The following MINDY2 variants were observed in gnomAD, a reference collection of about 807,000 sequenced individuals.
MINDY2 encodes ubiquitin carboxyl-terminal hydrolase MINDY-2.
A neutral mutation model predicts 68.2 loss-of-function variants in MINDY2; 52 were observed. The observed-to-expected ratio is 0.76, with a 90% CI of 0.61 to 0.96. MINDY2 has a LOEUF of 0.96. MINDY2 is among the 40% of genes least tolerant of loss of function. The pLI is 0.00. For synonymous variants in MINDY2, 372 were observed against 303.0 expected (o/e 1.23, Z -2.36); for missense variants, 881 against 773.4 (o/e 1.14, Z -1.65).
chr15:58,808,949 T>C (rs984868591), intron 3 of MINDY2, among the ~76,000 whole-genome samples: 1 of 152,238 alleles, frequency 6.6e-6, no homozygotes, highest in Non-Finnish European at 1.5e-5. Flanking sequence ...TGGTGGCTTA[T>C]GTCTGTAATC....
intron 6 of MINDY2, among the ~76,000 whole-genome samples, chr15:58,833,924 G>A (rs2141025757): frequency 6.6e-6 from 1 of 152,210 alleles, no homozygotes; most frequent in East Asian, 1.9e-4. Context: ...CTTCCCACGA[G>A]GCCATATTTC....
intron 2 of MINDY2, among the ~76,000 whole-genome samples, chr15:58,798,384 C>CA (rs1159186689): frequency 2.0e-5 from 3 of 151,712 alleles, no homozygotes; most frequent in Non-Finnish European, 4.4e-5. Context: ...CTTACACTCT[C>CA]AAAGTGCTGG....
At chr15:58,790,936 T>C (rs1901842965) in intron 2 of MINDY2, among the ~76,000 whole-genome samples, 4 of 151,736 alleles carry the variant, frequency 2.6e-5, no homozygotes. Context: ...TCTCAGCAGT[T>C]TGGGAGGCCG....
intron 2 of MINDY2, among the ~76,000 whole-genome samples, chr15:58,797,170 A>G (rs1902337840): frequency 6.6e-6 from 1 of 152,170 alleles, no homozygotes; most frequent in Admixed American, 6.6e-5. Context: ...AAAAATATTG[A>G]TTGTTGAAAT....
chr15:58,804,008 A>G (rs1902853821), intron 3 of MINDY2, among the ~76,000 whole-genome samples: 2 of 150,962 alleles, frequency 1.3e-5, no homozygotes, highest in Admixed American at 1.3e-4. Flanking sequence ...GGCGCCTGTA[A>G]GTCCTAGCTA....
intron 3 of MINDY2, among the ~76,000 whole-genome samples, chr15:58,806,589 T>C (rs572464066): frequency 6.6e-6 from 1 of 152,182 alleles, no homozygotes; most frequent in South Asian, 2.1e-4. Context: ...GTTTTAATAT[T>C]AAATAATGGG....
At chr15:58,848,260 A>ACTGTT (rs2032635320) in intron 7 of MINDY2, among the ~76,000 whole-genome samples, 2 of 152,074 alleles carry the variant, frequency 1.3e-5, no homozygotes, top group Admixed American at 1.3e-4. Flanking sequence ...GTGCACAAAG[A>ACTGTT]CTGTTCAGTT....
In MINDY2 at chr15:58,858,323, A is replaced by G. The variant is rs1247560060; in HGVS notation, c.*3713A>G. 2.0e-5 allele frequency: 3 copies of G among 152,154 alleles called. No individual in the cohort carries two copies. Among genetic ancestry groups the G allele is most frequent in the African/African-American group, 7.2e-5 (3 of 41,460 alleles). The allele number at this position is 152,154 out of a possible 1,614,324, so 9.4% of individuals were successfully genotyped here. A position where few individuals can be genotyped will look rare whatever the true frequency, so the allele number is the denominator to read the frequency against. Reference sequence around the variant, plus strand: ...TATTCTGTTTCAAATTCTTTATCATATTTCAAGTTCTTTCTCATACTTCTT... The same window carrying G: ...TATTCTGTTTCAAATTCTTTATCATGTTTCAAGTTCTTTCTCATACTTCTT... On this transcript the variant is annotated 3_prime_UTR_variant, in exon 9 of 9. Transcript: ENST00000559228.
At chr15:58,833,940 A>C (rs1408359282) in intron 6 of MINDY2, among the ~76,000 whole-genome samples, 1 of 152,152 alleles carries the variant, frequency 6.6e-6, no homozygotes, top group Non-Finnish European at 1.5e-5. Flanking sequence ...ATTTCAGACT[A>C]TCACATGGGG....
At position 58,810,091 on chromosome 15, in the gene MINDY2, TACTC is replaced by T. The variant is rs200160118; in HGVS notation, c.964-137_964-134del. On this transcript the variant is annotated intron_variant, in intron 3 of 8. Transcript: ENST00000559228. ...CAACTAGCTTCTGACACATAGTAGATACTCAATAATAAAAATATGTTGAATTGAA... is the reference window on the plus strand; with the variant it reads ...CAACTAGCTTCTGACACATAGTAGATAATAATAAAAATATGTTGAATTGAA... 42 of 747,584 alleles carry T rather than the reference TACTC, an allele frequency of 5.6e-5. No homozygotes were observed. In the East Asian group the frequency reaches 1.2e-3, roughly 21 times the overall value. The allele number at this position is 747,584 out of a possible 1,614,324, so 46.3% of individuals were successfully genotyped here.
In MINDY2 at chr15:58,787,951, A is replaced by T. The variant is rs1293015333; in HGVS notation, c.886A>T (p.Met296Leu). 4 of 1,588,900 alleles carry T rather than the reference A, an allele frequency of 2.5e-6. No individual in the cohort carries two copies. Among genetic ancestry groups the T allele is most frequent in the Non-Finnish European group, 3.4e-6 (4 of 1,169,558 alleles). Residue 296 changes from methionine (M) to leucine (L), a missense_variant, in exon 2 of 9, where the codon ATG becomes TTG. Physicochemically the swap from Met to Leu is conservative, Grantham distance 15. Transcript: ENST00000559228. ...MMEIITAEQLMEYLGDYMLDA... is the reference protein window; with the variant it reads ...MMEIITAEQLLEYLGDYMLDA... ...GGAAATCATAACTGCTGAGCAGCTGATGGAATATTTAGGTTAGTGTTGAAA... is the reference window on the plus strand; with the variant it reads ...GGAAATCATAACTGCTGAGCAGCTGTTGGAATATTTAGGTTAGTGTTGAAA...
intron 2 of MINDY2, among the ~76,000 whole-genome samples, chr15:58,793,444 G>A (rs1210266391): frequency 1.3e-5 from 2 of 151,908 alleles, no homozygotes; most frequent in African/African-American, 4.8e-5. Context: ...GTGAGAAACT[G>A]TCTCAAAAAA....
chr15:58,804,390 A>G (rs1233357833), intron 3 of MINDY2, among the ~76,000 whole-genome samples: 1 of 152,196 alleles, frequency 6.6e-6, no homozygotes, highest in Non-Finnish European at 1.5e-5. Context: ...AGCTATTTTT[A>G]TTAAAAACTT....
intron 1 of MINDY2, among the ~76,000 whole-genome samples, chr15:58,782,581 C>G (rs577426744): frequency 6.6e-6 from 1 of 152,100 alleles, no homozygotes; most frequent in African/African-American, 2.4e-5. Flanking sequence ...CTTTCCTCAT[C>G]GTGCTTCACT....
At chr15:58,807,652 T>A (rs145608736) in intron 3 of MINDY2, among the ~76,000 whole-genome samples, 1 of 152,120 alleles carries the variant, frequency 6.6e-6, no homozygotes, top group Admixed American at 6.5e-5. Context: ...CGTGAGCCAT[T>A]GCGCCCGGCC....
At chr15:58,795,877 A>G (rs1902249861) in intron 2 of MINDY2, among the ~76,000 whole-genome samples, 1 of 152,166 alleles carries the variant, frequency 6.6e-6, no homozygotes, top group African/African-American at 2.4e-5. Context: ...GGACAGAGAA[A>G]TAGTGAAGAA....
chr15:58,787,812 ATAAT>A, intron 1 of MINDY2, 90 bp from the exon 2 acceptor site: 1 of 711,412 alleles, frequency 1.4e-6, no homozygotes, highest in Non-Finnish European at 2.3e-6. Flanking sequence ...TAGTAGATAC[ATAAT>A]TAGACATAAG....
At chr15:58,815,495 GCACACCA>G in intron 4 of MINDY2, 1 of 152,082 alleles carries the variant, frequency 6.6e-6, no homozygotes, top group East Asian at 1.9e-4. Context: ...GACTACAGGT[GCACACCA>G]GCACGCCTGG....
intron 2 of MINDY2, among the ~76,000 whole-genome samples, chr15:58,800,234 A>G (rs2140949515): frequency 6.6e-6 from 1 of 152,234 alleles, no homozygotes; most frequent in Admixed American, 6.6e-5. Context: ...ATTAGTAGCA[A>G]GGTTTTCTTA....
Sources: gnomAD v4.1 joint callset for allele counts (sites outside exome capture counted in the v4.1 genomes callset) on GRCh38, gnomAD v4.1.1 for gene constraint, MANE v1.5 for transcripts, NCBI Gene and HGNC (gene_info 2026-07-23, HGNC 2026-07-21) for gene names.